The following EXOC4 variants were observed in gnomAD, a reference collection of about 807,000 sequenced individuals.
EXOC4 encodes SEC8-like 1.
In EXOC4, 71 loss-of-function variants were observed where a neutral mutation model predicts 107.2. The ratio of observed to expected loss-of-function variants is 0.66; its 90% CI spans 0.55 to 0.81. The LOEUF is 0.81. Ranked by LOEUF, EXOC4 falls within the 30% of genes least tolerant of loss-of-function variation. The probability of loss-of-function intolerance (pLI) is 0.00; values close to 1 mark genes in which losing one functional copy is unlikely to be tolerated. For synonymous variants in EXOC4, 456 were observed against 441.2 expected (o/e 1.03, Z -0.42); for missense variants, 1,108 against 1,189.6 (o/e 0.93, Z 1.01).
chr7:133,927,067 A>G (rs564578029), intron 13 of EXOC4, among the ~76,000 whole-genome samples: 3 of 152,122 alleles, frequency 2.0e-5, no homozygotes, highest in Admixed American at 1.3e-4. Flanking sequence ...TCCTCGTACC[A>G]TAGGTCCTCA....
chr7:133,463,157 G>A (rs1399433821), intron 7 of EXOC4, among the ~76,000 whole-genome samples: 1 of 152,156 alleles, frequency 6.6e-6, no homozygotes, highest in Non-Finnish European at 1.5e-5. Context: ...AGAGGGACTG[G>A]ACATGAAGTG....
chr7:134,079,129 G>T, the EXOC4 span, among the ~76,000 whole-genome samples: 1 of 152,190 alleles, frequency 6.6e-6, no homozygotes. Context: ...AACTTTGCTA[G>T]CAGGAAGTGT....
chr7:133,854,210 G>A (rs977985070), intron 11 of EXOC4, among the ~76,000 whole-genome samples: 5 of 152,192 alleles, frequency 3.3e-5, no homozygotes, highest in Middle Eastern at 3.4e-3. Context: ...CTGCAGACAC[G>A]AGCTGTCCAG....
intron 14 of EXOC4, among the ~76,000 whole-genome samples, chr7:133,969,465 C>A (rs1292541266): frequency 6.6e-6 from 1 of 152,242 alleles, no homozygotes. Flanking sequence ...GGTTTTTCCT[C>A]ATCTTCGTGG....
At chr7:133,484,181 TA>T (rs1799222150) in intron 9 of EXOC4, 5 of 1,560,584 alleles carry the variant, frequency 3.2e-6, no homozygotes, top group Middle Eastern at 1.8e-4. Context: ...CCCAAGAGGA[TA>T]AAAGGATTAA....
chr7:133,481,271 A>G (rs1799151146), intron 9 of EXOC4, among the ~76,000 whole-genome samples: 1 of 152,172 alleles, frequency 6.6e-6, no homozygotes, highest in Non-Finnish European at 1.5e-5. Context: ...GGAAGTAAAT[A>G]CTAACAACTG....
At chr7:133,428,092 A>G (rs1433857312) in intron 7 of EXOC4, among the ~76,000 whole-genome samples, 2 of 152,238 alleles carry the variant, frequency 1.3e-5, no homozygotes, top group African/African-American at 4.8e-5. Context: ...AAGCTTAAAA[A>G]TGCAGCTCTT....
chr7:133,707,567 A>T (rs1311424749), intron 10 of EXOC4, among the ~76,000 whole-genome samples: 1 of 151,538 alleles, frequency 6.6e-6, no homozygotes, highest in African/African-American at 2.4e-5. Flanking sequence ...ATTTTTGCTC[A>T]CCTCCCAGGT....
At chr7:133,862,706 T>C (rs896127315) in intron 11 of EXOC4, among the ~76,000 whole-genome samples, 2 of 152,192 alleles carry the variant, frequency 1.3e-5, no homozygotes, top group Admixed American at 6.5e-5. Flanking sequence ...AAGCTATAGA[T>C]ACATATATAC....
At chr7:133,263,704 A>G (rs1211904931) in intron 1 of EXOC4, among the ~76,000 whole-genome samples, 2 of 152,062 alleles carry the variant, frequency 1.3e-5, no homozygotes, top group African/African-American at 4.8e-5. Flanking sequence ...TAATTTTTGT[A>G]CATGGTTGAA....
chr7:133,772,951 A>G (rs1169363678), intron 10 of EXOC4, among the ~76,000 whole-genome samples: 1 of 152,012 alleles, frequency 6.6e-6, no homozygotes, highest in African/African-American at 2.4e-5. Flanking sequence ...TGGACATAGG[A>G]ATAATATGTA....
intron 10 of EXOC4, among the ~76,000 whole-genome samples, chr7:133,744,511 A>ATT (rs768196394): frequency 3.3e-5 from 5 of 152,186 alleles, no homozygotes; most frequent in Non-Finnish European, 5.9e-5. Context: ...AATCTAACTG[A>ATT]TGATAGAGTT....
chr7:134,048,886 A>C lies in EXOC4; in HGVS notation c.2688-15405A>C, dbSNP rs1042592401. Among the ~76,000 whole-genome samples, 6 of 152,084 alleles carry C rather than the reference A, an allele frequency of 3.9e-5. No homozygotes were observed. The East Asian group carries it at 1.2e-3, about 29-fold the overall frequency. ...CTGGTACTAGAAAAAAAAAATAGCCAAGTTGCCCAACAGTCTGAAGGCTTT... is the reference window on the plus strand; with the variant it reads ...CTGGTACTAGAAAAAAAAAATAGCCCAGTTGCCCAACAGTCTGAAGGCTTT... On this transcript the variant is annotated intron_variant, in intron 17 of 17. Transcript: ENST00000253861.
intron 14 of EXOC4, among the ~76,000 whole-genome samples, chr7:133,954,876 C>A (rs934016276): frequency 6.6e-6 from 1 of 152,236 alleles, no homozygotes; most frequent in Non-Finnish European, 1.5e-5. Flanking sequence ...AGCATAGGCA[C>A]CAGCTGTCTG....
At chr7:133,522,258 T>G (rs905620013) in intron 9 of EXOC4, among the ~76,000 whole-genome samples, 2 of 152,186 alleles carry the variant, frequency 1.3e-5, no homozygotes, top group Non-Finnish European at 2.9e-5. Flanking sequence ...TAATACGTGT[T>G]ATTTGTTTGA....
intron 10 of EXOC4, among the ~76,000 whole-genome samples, chr7:133,656,630 A>G (rs976306785): frequency 6.6e-6 from 1 of 152,192 alleles, no homozygotes; most frequent in African/African-American, 2.4e-5. Context: ...TCCTTACAGA[A>G]CAAAAACACA....
chr7:133,743,432 G>C (rs1187183093), intron 10 of EXOC4, among the ~76,000 whole-genome samples: 1 of 152,182 alleles, frequency 6.6e-6, no homozygotes, highest in Non-Finnish European at 1.5e-5. Context: ...GGGAAGAATA[G>C]ATGTTGATTT....
rs186972843 is a variant in EXOC4, at chr7:133,942,659, T to G, written c.2206+4590T>G. On this transcript the variant is annotated intron_variant, in intron 14 of 17. Transcript: ENST00000253861. ...AGGTCTTCAGAATCCCAGTTTAATT[T>G]TCTTTCTACTACGTCAGTTAGAGCC... Among the ~76,000 whole-genome samples, 468 of 152,284 alleles carry G rather than the reference T, an allele frequency of 3.1e-3. 12 individuals are homozygous for G. Among genetic ancestry groups the G allele is most frequent in the Non-Finnish European group, 5.3e-4 (36 of 68,008 alleles).
At chr7:133,664,359 T>C (rs1057470107) in intron 10 of EXOC4, among the ~76,000 whole-genome samples, 3 of 152,166 alleles carry the variant, frequency 2.0e-5, no homozygotes, top group African/African-American at 7.2e-5. Context: ...AATTAATGTT[T>C]GTTGAATGAA....
Sources: allele counts gnomAD v4.1 joint callset (sites outside exome capture counted in the v4.1 genomes callset), GRCh38; gene constraint gnomAD v4.1.1; transcripts MANE v1.5; gene names NCBI Gene and HGNC (gene_info 2026-07-23, HGNC 2026-07-21).